Variants in DLC1 observed in about 807,000 individuals in gnomAD.
The protein encoded by DLC1 is rho GTPase-activating protein 7.
Under a neutral mutation model 140.3 loss-of-function variants are expected in DLC1, and 54 were observed. That is an observed-to-expected ratio of 0.38 (90% CI 0.31 to 0.48). DLC1 has a LOEUF of 0.48. Ranked by LOEUF, DLC1 falls within the 20% of genes least tolerant of loss-of-function variation. DLC1 has a pLI of 0.96. For synonymous variants in DLC1, 986 were observed against 728.1 expected, an observed-to-expected ratio of 1.35 and a Z score of -5.70; for missense variants, 2,536 against 1,907.0, an observed-to-expected ratio of 1.33 and a Z score of -6.14.
At chr8:13,288,438 G>T (rs1831619947) in intron 5 of DLC1, among the ~76,000 whole-genome samples, 1 of 152,110 alleles carries the variant, frequency 6.6e-6, no homozygotes, top group Non-Finnish European at 1.5e-5. Context: ...CCTCCAGCTG[G>T]CTGGGCTGCT....
chr8:13,593,343 C>T (rs1805582162), intron 1 of DLC1, among the ~76,000 whole-genome samples: 1 of 152,084 alleles, frequency 6.6e-6, no homozygotes, highest in African/African-American at 2.4e-5. Context: ...GCAAATATTT[C>T]CAGTTCTTCT....
At chr8:13,425,749 A>G (rs1838545743) in intron 2 of DLC1, among the ~76,000 whole-genome samples, 1 of 152,200 alleles carries the variant, frequency 6.6e-6, no homozygotes, top group South Asian at 2.1e-4. Context: ...CCTCCCCACT[A>G]AAAACTATTT....
At chr8:13,465,423 A>G (rs1475942082) in intron 2 of DLC1, among the ~76,000 whole-genome samples, 1 of 152,148 alleles carries the variant, frequency 6.6e-6, no homozygotes, top group Non-Finnish European at 1.5e-5. Context: ...TTGACATTTT[A>G]ATTGTGCCAA....
At position 13,221,864 on chromosome 8, in the gene DLC1, TA is replaced by T. The variant is rs960664803; in HGVS notation, c.1348+83404del. 1.4e-3 allele frequency among the ~76,000 whole-genome samples: 202 copies of T among 143,988 alleles called. 2 individuals are homozygous for T. The highest frequency in any genetic ancestry group is 3.6e-3 in the Middle Eastern group (1 of 276). 94.5% of individuals were successfully genotyped at this position (143,988 alleles called of 152,430 possible). On this transcript the variant is annotated intron_variant, in intron 5 of 17. Coordinates refer to ENST00000276297, the MANE Select transcript of DLC1 (RefSeq NM_182643.3). ...AATATAAAATATATTAATATATTAA[TA>T]AAATATATTAATACATTAATATATA...
intron 4 of DLC1, among the ~76,000 whole-genome samples, chr8:13,329,802 C>A (rs1833510735): frequency 6.6e-6 from 1 of 152,102 alleles, no homozygotes; most frequent in Non-Finnish European, 1.5e-5. Flanking sequence ...TATTTTCTTT[C>A]TTTTTGTCCT....
intron 5 of DLC1, among the ~76,000 whole-genome samples, chr8:13,209,042 A>T (rs1270881539): frequency 1.8e-4 from 27 of 152,310 alleles, no homozygotes; most frequent in Non-Finnish European, 4.4e-5. Context: ...GAATAACTTG[A>T]TGACTTTGAT....
intron 5 of DLC1, among the ~76,000 whole-genome samples, chr8:13,162,927 T>C (rs1824827871): frequency 1.3e-5 from 2 of 152,162 alleles, no homozygotes; most frequent in African/African-American, 4.8e-5. Flanking sequence ...AAACTAAGAA[T>C]AAAGTAAACA....
intron 5 of DLC1, among the ~76,000 whole-genome samples, chr8:13,185,635 A>G (rs988163645): frequency 7.9e-5 from 12 of 152,174 alleles, no homozygotes; most frequent in African/African-American, 2.9e-4. Context: ...TGGGGCATTT[A>G]GCCCATTTAC....
At position 13,538,971 on chromosome 8, in the gene DLC1, G is replaced by T. The variant is rs1803393513; in HGVS notation, c.-125-38775C>A. Among the ~76,000 whole-genome samples the T allele has an allele frequency of 5.3e-5, 8 of 151,926 alleles. No individual in the cohort carries two copies. The South Asian group carries it at 1.7e-3, about 32-fold the overall frequency. ...TTTTCTCTCACTCTTAAAATACGTG[G>T]CAGATTAAAAACCTGTCATCATTTT... On this transcript the variant is annotated intron_variant, in intron 1 of 1. Transcript: ENST00000631382.
At chr8:13,450,963 C>T (rs1585129262) in intron 2 of DLC1, among the ~76,000 whole-genome samples, 1 of 133,568 alleles carries the variant, frequency 7.5e-6, no homozygotes, top group Admixed American at 8.6e-5. Context: ...CACTTGAAAC[C>T]GGGAGGCAGA....
intron 1 of DLC1, among the ~76,000 whole-genome samples, chr8:13,564,797 A>G (rs1238101744): frequency 6.6e-6 from 1 of 152,196 alleles, no homozygotes. Flanking sequence ...TCTGATAGGA[A>G]CTAGGAAGAA....
At chr8:13,311,658 A>G (rs561894026) in intron 4 of DLC1, among the ~76,000 whole-genome samples, 1 of 152,218 alleles carries the variant, frequency 6.6e-6, no homozygotes, top group Non-Finnish European at 1.5e-5. Flanking sequence ...TTGTAGACTG[A>G]AATTATAGCT....
At chr8:13,277,460 CCT>C (rs1831218016) in intron 5 of DLC1, among the ~76,000 whole-genome samples, 1 of 152,106 alleles carries the variant, frequency 6.6e-6, no homozygotes, top group Admixed American at 6.6e-5. Flanking sequence ...TCAAATATCC[CCT>C]GATTTTATGA....
rs58463115 is a variant in DLC1, at chr8:13,433,410, A to G, written c.1024-31791T>C. On this transcript the variant is annotated intron_variant, in intron 2 of 17. Coordinates refer to ENST00000276297, the MANE Select transcript of DLC1 (RefSeq NM_182643.3). ...TCTATTAAGGTAGTTACAGATCAAG[A>G]AAAAGCATGGATTAACAGCTAAACT... Among the ~76,000 whole-genome samples the G allele has an allele frequency of 9.1e-3, 1,384 of 152,312 alleles. 25 individuals are homozygous for G. The highest frequency in any genetic ancestry group is 0.059 in the South Asian group (287 of 4,834).
At chr8:13,119,907 C>T (rs1019181480) in intron 5 of DLC1, among the ~76,000 whole-genome samples, 15 of 149,248 alleles carry the variant, frequency 1.0e-4, no homozygotes, top group Admixed American at 1.0e-3. Flanking sequence ...TACAGTGAGA[C>T]TCTATCTAAA....
At chr8:13,398,067 G>T (rs1271123375) in intron 3 of DLC1, among the ~76,000 whole-genome samples, 1 of 151,858 alleles carries the variant, frequency 6.6e-6, no homozygotes, top group East Asian at 1.9e-4. Flanking sequence ...GGAGGCAGAG[G>T]TTGCCGTGAG....
intron 5 of DLC1, among the ~76,000 whole-genome samples, chr8:13,256,535 A>G (rs974849510): frequency 2.6e-5 from 4 of 152,192 alleles, no homozygotes; most frequent in Non-Finnish European, 2.9e-5. Flanking sequence ...GGAATATACT[A>G]TGCAGCCATA....
At chr8:13,526,086 G>A (rs930371355) in intron 1 of DLC1, among the ~76,000 whole-genome samples, 17 of 152,078 alleles carry the variant, frequency 1.1e-4, no homozygotes, top group Non-Finnish European at 1.6e-4. Context: ...CTTTTCCCAT[G>A]GAATTTTCTT....
chr8:13,364,386 T>C lies in DLC1; in HGVS notation c.1314+29167A>G, dbSNP rs866556959. Among the ~76,000 whole-genome samples, 143 of 151,692 alleles carry C rather than the reference T, an allele frequency of 9.4e-4. No individual in the cohort carries two copies. The Middle Eastern group carries it at 0.01, about 11-fold the overall frequency. ...TGATCTTAGCTCACTACAATCTCCATCTCCCAGGTTCAAGCCAGTCTCCTG... is the reference window on the plus strand; with the variant it reads ...TGATCTTAGCTCACTACAATCTCCACCTCCCAGGTTCAAGCCAGTCTCCTG... On this transcript the variant is annotated intron_variant, in intron 4 of 17. Transcript: ENST00000276297.
Sources: allele counts gnomAD v4.1 joint callset (sites outside exome capture counted in the v4.1 genomes callset), GRCh38; gene constraint gnomAD v4.1.1; transcripts MANE v1.5; gene names NCBI Gene and HGNC (gene_info 2026-07-23, HGNC 2026-07-21).